The following ZNF133 variants were observed in gnomAD, a reference collection of about 807,000 sequenced individuals.
ZNF133 encodes the protein zinc finger protein 133 (clone pHZ-13).
ZNF133 carries 26 observed loss-of-function variants against 54.9 expected under a neutral mutation model. The ratio of observed to expected loss-of-function variants is 0.47; its 90% CI spans 0.35 to 0.66. The LOEUF (loss-of-function observed/expected upper bound fraction) is 0.66, where lower values mean the gene tolerates loss of function less well. Among genes scored for constraint, ZNF133 ranks in the 30% least tolerant of loss-of-function variants. The pLI is 0.01. For missense variants in ZNF133, 653 were observed against 820.8 expected (o/e 0.80, Z 2.50); for synonymous variants, 298 against 320.3 (o/e 0.93, Z 0.74).
chr20:18,315,753 G>A lies in ZNF133; in HGVS notation c.902G>A (p.Ser301Asn). 1 of 1,614,190 alleles carries A rather than the reference G, an allele frequency of 6.2e-7. No homozygotes were observed. The highest frequency in any genetic ancestry group is 8.5e-7 in the Non-Finnish European group (1 of 1,180,018). The change falls in exon 7 of 7, where the codon AGT becomes AAT. Residue 301 changes from serine to asparagine, a missense_variant. Physicochemically the swap from Ser to Asn is conservative, Grantham distance 46 (BLOSUM62 1). This residue lies in a region of ZNF133 where 292 missense variants were observed against 431.6 expected (regional missense o/e 0.68). Transcript: ENST00000425686. Reference sequence around the variant, plus strand: ...TCCGGTGAGAAACCTTACATGTGCAGTGAGTGTGGGCGAGGCTTCAGCCAG... The same window carrying A: ...TCCGGTGAGAAACCTTACATGTGCAATGAGTGTGGGCGAGGCTTCAGCCAG... The part of the protein sequence containing the change: ...THSGEKPYMC[S>N]ECGRGFSQKS...
At chr20:18,300,774 AC>A (rs1471603161) in intron 3 of ZNF133, among the ~76,000 whole-genome samples, 3 of 152,134 alleles carry the variant, frequency 2.0e-5, no homozygotes, top group Non-Finnish European at 4.4e-5. Context: ...TAGAAATTAT[AC>A]ACATATACCT....
intron 1 of ZNF133, 60 bp from the exon 2 acceptor site, chr20:18,297,925 T>C: frequency 1.7e-6 from 2 of 1,151,624 alleles, no homozygotes; most frequent in Admixed American, 4.1e-5. Flanking sequence ...CAGGCCCTGC[T>C]TCACTCATGG....
At chr20:18,303,049 ATT>A (rs745480370) in intron 3 of ZNF133, among the ~76,000 whole-genome samples, 9 of 142,594 alleles carry the variant, frequency 6.3e-5, no homozygotes, top group African/African-American at 5.1e-5. Flanking sequence ...CTGGAAAACT[ATT>A]TTTTTTTTTT....
At position 18,314,801 on chromosome 20, in the gene ZNF133, T is replaced by C. The variant is rs140637928; in HGVS notation, c.218-268T>C. 1.3e-3 allele frequency: 478 copies of C among 374,056 alleles called. 4 individuals carry two copies. The highest frequency in any genetic ancestry group is 9.5e-3 in the African/African-American group (459 of 48,418). The allele number at this position is 374,056 out of a possible 1,614,324, so 23.2% of individuals were successfully genotyped here. A position where few individuals can be genotyped will look rare whatever the true frequency, so the allele number is the denominator to read the frequency against. The stretch of plus-strand genomic sequence containing the variant: ...TTGTATTGAAGGTGAGGGGGAACTG[T>C]TCCATACTGGCCCTATTTACACACC... On this transcript the variant is annotated intron_variant, in intron 6 of 6. Transcript: ENST00000425686.
At chr20:18,298,212 G>T in intron 2 of ZNF133, 77 bp from the exon 3 acceptor site, 1 of 1,498,442 alleles carries the variant, frequency 6.7e-7, no homozygotes, top group South Asian at 1.3e-5. Context: ...CAAAACCCAT[G>T]ACACAGTTAT....
intron 1 of ZNF133, among the ~76,000 whole-genome samples, chr20:18,289,114 A>T (rs1371629898): frequency 5.9e-5 from 9 of 151,974 alleles, no homozygotes; most frequent in Admixed American, 5.2e-4. Flanking sequence ...CTGGAGTGGA[A>T]TGAGGAGCGG....
chr20:18,296,578 ATGT>A (rs1270825722), intron 1 of ZNF133, among the ~76,000 whole-genome samples: 2 of 152,146 alleles, frequency 1.3e-5, no homozygotes, highest in Non-Finnish European at 2.9e-5. Flanking sequence ...TTCTAGGTTC[ATGT>A]TGTAGCATGT....
chr20:18,299,345 G>C (rs1568746391), intron 3 of ZNF133, among the ~76,000 whole-genome samples: 1 of 152,196 alleles, frequency 6.6e-6, no homozygotes, highest in Non-Finnish European at 1.5e-5. Context: ...GTAGATTTGA[G>C]CAGACGGAAG....
At chr20:18,300,576 A>G (rs935875946) in intron 3 of ZNF133, among the ~76,000 whole-genome samples, 2 of 152,204 alleles carry the variant, frequency 1.3e-5, no homozygotes, top group Non-Finnish European at 2.9e-5. Flanking sequence ...GCTGTCTACA[A>G]GAAACTCACT....
rs2148004038 is a variant in ZNF133 at position 18,316,857 on chromosome 20, C to T, written c.*41C>T. On this transcript the variant is annotated 3_prime_UTR_variant, in exon 7 of 7. Transcript: ENST00000425686. Reference sequence around the variant, plus strand: ...CAAGGACTAAGAGTCAGAATGTTGACACTTTGATGAAATGGAGTAGAGAAA... The same window carrying T: ...CAAGGACTAAGAGTCAGAATGTTGATACTTTGATGAAATGGAGTAGAGAAA... 6.5e-7 allele frequency: 1 copy of T among 1,543,700 alleles called. No homozygotes were observed. Among genetic ancestry groups the T allele is most frequent in the South Asian group, 1.2e-5 (1 of 80,108 alleles).
At chr20:18,300,752 A>G (rs1028566868) in intron 3 of ZNF133, among the ~76,000 whole-genome samples, 7 of 152,148 alleles carry the variant, frequency 4.6e-5, no homozygotes, top group African/African-American at 1.7e-4. Context: ...GGTTTACTAC[A>G]GCAAGAAGAT....
chr20:18,315,118 C>T lies in ZNF133; in HGVS notation c.267C>T (p.Phe89=). The change falls in exon 7 of 7, where the codon TTC becomes TTT. Residue 89 remains phenylalanine (F), a synonymous_variant. Transcript: ENST00000425686. ...LYLDPFCPPG[F]SSQKFPMQHV... is the part of the protein sequence containing the mutation. The stretch of plus-strand genomic sequence containing the variant: ...TCGATCCTTTCTGCCCTCCGGGTTT[C>T]TCCAGTCAGAAATTCCCCATGCAGC... 1 of 1,571,950 alleles carries T rather than the reference C, an allele frequency of 6.4e-7. No homozygotes were observed. Among genetic ancestry groups the T allele is most frequent in the Non-Finnish European group, 8.6e-7 (1 of 1,158,676 alleles).
chr20:18,306,846 T>C, intron 6 of ZNF133: 1 of 988,912 alleles, frequency 1.0e-6, no homozygotes, highest in Non-Finnish European at 1.3e-6. Context: ...CTTTTACATT[T>C]TATAATGTTA....
chr20:18,310,758 G>GTTCGGA (rs2045717185), intron 6 of ZNF133, among the ~76,000 whole-genome samples: 1 of 151,882 alleles, frequency 6.6e-6, no homozygotes, highest in African/African-American at 2.4e-5. Flanking sequence ...TAGATTTTGG[G>GTTCGGA]TGTTCTCATC....
At chr20:18,308,645 ATTTTATTGTTCATCC>A (rs1182793700) in intron 6 of ZNF133, among the ~76,000 whole-genome samples, 1 of 151,880 alleles carries the variant, frequency 6.6e-6, no homozygotes, top group East Asian at 1.9e-4. Flanking sequence ...TCTTTTTGGT[ATTTTATTGTTCATCC>A]TTTTATTTTA....
Position 18,316,862 on chromosome 20 carries a change from T to C in ZNF133, c.*46T>C, listed in dbSNP as rs759756355. ...ACTAAGAGTCAGAATGTTGACACTT[T>C]GATGAAATGGAGTAGAGAAATGCAT... On this transcript the variant is annotated 3_prime_UTR_variant, in exon 7 of 7. Coordinates refer to ENST00000425686, the MANE Select transcript of ZNF133 (RefSeq NM_001352452.2). 1.3e-6 allele frequency: 2 copies of C among 1,537,252 alleles called. No individual in the cohort carries two copies. The highest frequency in any genetic ancestry group is 1.3e-5 in the South Asian group (1 of 79,242).
chr20:18,301,907 T>G (rs1226141726), intron 3 of ZNF133, among the ~76,000 whole-genome samples: 1 of 152,088 alleles, frequency 6.6e-6, no homozygotes, highest in Admixed American at 6.6e-5. Flanking sequence ...ACTGCCTGAC[T>G]CATTCTGTGA....
rs1451939195 is a variant in ZNF133, at chr20:18,310,039, G to C, written c.217+3646G>C. ...GACCTTTGTACATTTACACAAATAT[G>C]TGTTTTCTCAACCTGAAAAGTATAG... On this transcript the variant is annotated intron_variant, in intron 6 of 6. Transcript: ENST00000425686. 1.2e-5 allele frequency: 11 copies of C among 901,154 alleles called. No homozygotes were observed. The East Asian group carries it at 3.8e-4, about 31-fold the overall frequency. 55.8% of individuals were successfully genotyped at this position (901,154 alleles called of 1,614,324 possible). A position where few individuals can be genotyped will look rare whatever the true frequency, so the allele number is the denominator to read the frequency against.
In ZNF133 at chr20:18,316,795, G is replaced by A. The variant is rs567821924; in HGVS notation, c.1944G>A (p.Ser648=). 2.3e-5 allele frequency: 37 copies of A among 1,612,234 alleles called. 1 individual carries two copies. The highest frequency in any genetic ancestry group is 1.2e-4 in the South Asian group (11 of 90,864). ...PDPEPCAGQP[S]DSLYSL The stretch of plus-strand genomic sequence containing the variant: ...CTGAGCCGTGTGCAGGGCAACCTTC[G>A]GATTCCTTATACTCTCTCTGAAGGC... The change falls in exon 7 of 7, where the codon TCG becomes TCA. Residue 648 remains serine (S), a synonymous_variant. Transcript: ENST00000425686.
Sources: gnomAD v4.1 joint callset for allele counts (sites outside exome capture counted in the v4.1 genomes callset) on GRCh38, gnomAD v4.1.1 for gene constraint, gnomAD v4.1.1 regional missense constraint, MANE v1.5 for transcripts, NCBI Gene and HGNC (gene_info 2026-07-23, HGNC 2026-07-21) for gene names.